Variants in PCDHA1 observed in about 807,000 individuals in gnomAD.
PCDHA1 encodes protocadherin alpha-1.
Under a neutral mutation model 61.3 loss-of-function variants are expected in PCDHA1, and 42 were observed. That is an observed-to-expected ratio of 0.69 (90% CI 0.54 to 0.89). The LOEUF is 0.89. Ranked by LOEUF, PCDHA1 falls within the 40% of genes least tolerant of loss-of-function variation. The pLI, the probability that PCDHA1 is intolerant of heterozygous loss-of-function variation, is 0.00. For synonymous variants in PCDHA1, 610 were observed against 553.8 expected (o/e 1.10, Z -1.43); for missense variants, 1,256 against 1,235.3 (o/e 1.02, Z -0.25).
At chr5:140,993,521 G>C (rs1554253818) in intron 3 of PCDHA1, among the ~76,000 whole-genome samples, 4 of 151,128 alleles carry the variant, frequency 2.6e-5, no homozygotes, top group Admixed American at 2.0e-4. Flanking sequence ...GGGAGAGAGA[G>C]ACAGAGAGAG....
At chr5:140,896,450 C>G (rs1009231622) in intron 1 of PCDHA1, among the ~76,000 whole-genome samples, 5 of 152,092 alleles carry the variant, frequency 3.3e-5, no homozygotes, top group Admixed American at 1.3e-4. Flanking sequence ...GCAACCTCCA[C>G]CTCCTGGGTT....
intron 1 of PCDHA1, among the ~76,000 whole-genome samples, chr5:140,846,287 T>G (rs1554141208): frequency 6.7e-6 from 1 of 149,424 alleles, no homozygotes; most frequent in East Asian, 1.9e-4. Flanking sequence ...ATGTTGTAGT[T>G]CTATGAATTA....
chr5:140,790,391 C>T (rs1310792036), intron 1 of PCDHA1, among the ~76,000 whole-genome samples: 2 of 152,038 alleles, frequency 1.3e-5, no homozygotes, highest in African/African-American at 2.4e-5. Context: ...ATGAATGTCC[C>T]CTTGTGAAGA....
At chr5:140,895,964 C>T (rs2065282764) in intron 1 of PCDHA1, among the ~76,000 whole-genome samples, 2 of 152,120 alleles carry the variant, frequency 1.3e-5, no homozygotes, top group South Asian at 4.1e-4. Flanking sequence ...GTGCCTGTCA[C>T]CAGGCCTAGC....
At position 140,797,258 on chromosome 5, in the gene PCDHA1, C is replaced by A. The variant is rs146594045; in HGVS notation, c.2394+8574C>A. On this transcript the variant is annotated intron_variant, in intron 1 of 3. Coordinates refer to ENST00000504120, the MANE Select transcript of PCDHA1 (RefSeq NM_018900.4). ...AGGGTGTGCTCTGGGGAGGACCCCC[C>A]CAAGACGGACCTCATGGCCTTCAGC... 6 of 1,614,092 alleles carry A rather than the reference C, an allele frequency of 3.7e-6. No homozygotes were observed. The highest frequency in any genetic ancestry group is 4.5e-5 in the East Asian group (2 of 44,880).
At chr5:140,930,168 C>T (rs2086634095) in intron 1 of PCDHA1, 1 of 152,048 alleles carries the variant, frequency 6.6e-6, no homozygotes, top group Non-Finnish European at 1.5e-5. Context: ...TAATATTTTA[C>T]AAAGAGGAAA....
At chr5:140,833,265 A>T (rs1554133806) in intron 1 of PCDHA1, among the ~76,000 whole-genome samples, 1 of 152,214 alleles carries the variant, frequency 6.6e-6, no homozygotes, top group East Asian at 1.9e-4. Context: ...AGCAGCAATT[A>T]TAAAAACTTA....
At chr5:140,807,447 A>G in intron 1 of PCDHA1, 1 of 1,605,784 alleles carries the variant, frequency 6.2e-7, no homozygotes, top group Non-Finnish European at 8.5e-7. Context: ...TTGTTTGTGA[A>G]TTCTCGGATC....
chr5:140,877,076 T>C, intron 1 of PCDHA1: 1 of 1,613,022 alleles, frequency 6.2e-7, no homozygotes, highest in Non-Finnish European at 8.5e-7. Flanking sequence ...CAGTTCCAGG[T>C]GAGCGCGCGC....
chr5:140,838,904 T>C (rs1357906412), intron 1 of PCDHA1, among the ~76,000 whole-genome samples: 2 of 151,878 alleles, frequency 1.3e-5, no homozygotes, highest in Non-Finnish European at 2.9e-5. Flanking sequence ...GACAGAGCAA[T>C]ACCTTGCCTC....
chr5:140,907,558 A>G (rs2073449629), intron 1 of PCDHA1, among the ~76,000 whole-genome samples: 1 of 152,186 alleles, frequency 6.6e-6, no homozygotes, highest in Non-Finnish European at 1.5e-5. Flanking sequence ...GGTCCAATAT[A>G]ATCAACTTGC....
intron 1 of PCDHA1, chr5:140,823,491 C>A (rs2150126356): frequency 6.2e-7 from 1 of 1,613,202 alleles, no homozygotes; most frequent in South Asian, 1.1e-5. Context: ...TGGGTGGCAC[C>A]GGCGGCGCAG....
chr5:140,808,957 G>A, intron 1 of PCDHA1: 4 of 1,613,546 alleles, frequency 2.5e-6, no homozygotes, highest in Non-Finnish European at 3.4e-6. Context: ...TGGGCCACGT[G>A]GTGGCAAAGG....
chr5:140,787,590 T>C lies in PCDHA1; in HGVS notation c.1300T>C (p.Ser434Pro), dbSNP rs61743801. 4,374 of 1,613,866 alleles carry C rather than the reference T, an allele frequency of 2.7e-3. 82 individuals carry two copies. The African/African-American group carries it at 0.051, about 19-fold the overall frequency. Reference sequence around the variant, plus strand: ...GACCGCGCGGGACGGGGGCTCGCCTTCGCTGTGGGCCACGGCCAGGGTGTC... The same window carrying C: ...GACCGCGCGGGACGGGGGCTCGCCTCCGCTGTGGGCCACGGCCAGGGTGTC... ...VVTARDGGSP[S>P]LWATARVSVE... is the part of the protein sequence containing the mutation. Residue 434 changes from serine to proline, a missense_variant, in exon 1 of 4, where the codon TCG becomes CCG. Physicochemically the swap from Ser to Pro is moderately conservative, Grantham distance 74 (BLOSUM62 -1). Coordinates refer to ENST00000504120, the MANE Select transcript of PCDHA1 (RefSeq NM_018900.4).
intron 1 of PCDHA1, chr5:140,836,861 T>A (rs1774783452): frequency 2.6e-6 from 2 of 770,272 alleles, no homozygotes; most frequent in South Asian, 4.4e-5. Context: ...TATTTTTTAA[T>A]GTTATGCTGT....
chr5:140,985,902 T>G (rs1026675848), intron 3 of PCDHA1, among the ~76,000 whole-genome samples: 2 of 151,212 alleles, frequency 1.3e-5, no homozygotes, highest in Non-Finnish European at 2.9e-5. Flanking sequence ...ACCACTCCCG[T>G]CTAATTTTTT....
At chr5:140,943,136 T>A (rs1554215378) in intron 1 of PCDHA1, among the ~76,000 whole-genome samples, 1 of 151,240 alleles carries the variant, frequency 6.6e-6, no homozygotes, top group Non-Finnish European at 1.5e-5. Flanking sequence ...TGGGTGCCTG[T>A]AGTCCCAGCT....
At chr5:140,836,002 C>T in intron 1 of PCDHA1, 4 of 1,613,242 alleles carry the variant, frequency 2.5e-6, no homozygotes, top group Non-Finnish European at 2.5e-6. Flanking sequence ...GCGCGCGATG[C>T]GGGCGTGCCG....
chr5:140,971,787 A>G (rs1554233619), intron 1 of PCDHA1, among the ~76,000 whole-genome samples: 5 of 152,124 alleles, frequency 3.3e-5, no homozygotes, highest in Admixed American at 1.3e-4. Context: ...AGATTATTCA[A>G]TATATTGAAT....
Sources: gnomAD v4.1 joint callset for allele counts (sites outside exome capture counted in the v4.1 genomes callset) on GRCh38, gnomAD v4.1.1 for gene constraint, MANE v1.5 for transcripts, NCBI Gene and HGNC (gene_info 2026-07-23, HGNC 2026-07-21) for gene names.